DPF3: variants seen among roughly 807,000 people sequenced by gnomAD.
The protein encoded by DPF3 is zinc finger protein DPF3.
A neutral mutation model predicts 56.8 loss-of-function variants in DPF3; 18 were observed. That is an observed-to-expected ratio of 0.32 (90% CI 0.22 to 0.47). The LOEUF (loss-of-function observed/expected upper bound fraction) is 0.47, where lower values mean the gene tolerates loss of function less well. Among genes scored for constraint, DPF3 ranks in the 20% least tolerant of loss-of-function variants. The pLI is 1.00. For missense variants in DPF3, 403 were observed against 488.8 expected, an observed-to-expected ratio of 0.82 and a Z score of 1.65; for synonymous variants, 188 against 180.2, an observed-to-expected ratio of 1.04 and a Z score of -0.35.
At chr14:72,783,272 G>T (rs1892062824) in intron 1 of DPF3, among the ~76,000 whole-genome samples, 1 of 150,544 alleles carries the variant, frequency 6.6e-6, no homozygotes, top group African/African-American at 2.5e-5. Context: ...TTTGCCTACT[G>T]ATCATCTATA....
chr14:72,832,211 T>A (rs565715074), intron 1 of DPF3, among the ~76,000 whole-genome samples: 111 of 152,246 alleles, frequency 7.3e-4, no homozygotes, highest in Non-Finnish European at 6.8e-4. Context: ...AGTAAGACCA[T>A]GTTTCTTTAA....
chr14:72,679,538 C>T (rs561143679), intron 7 of DPF3, among the ~76,000 whole-genome samples: 2 of 152,250 alleles, frequency 1.3e-5, no homozygotes, highest in East Asian at 1.9e-4. Flanking sequence ...TTGGGGAATT[C>T]GGGGGCAGTG....
At chr14:72,661,681 A>G (rs1352398294) in intron 8 of DPF3, 2 of 985,174 alleles carry the variant, frequency 2.0e-6, no homozygotes, top group African/African-American at 3.5e-5. Flanking sequence ...GGCTCCCACC[A>G]GCAACTGAAT....
chr14:72,648,569 G>GAA (rs11348282), intron 8 of DPF3, among the ~76,000 whole-genome samples: 2 of 92,906 alleles, frequency 2.2e-5, no homozygotes. Context: ...TCTCAAAAAA[G>GAA]AAAAAAAAAA....
At chr14:72,695,245 T>C (rs1887854031) in intron 6 of DPF3, among the ~76,000 whole-genome samples, 2 of 152,188 alleles carry the variant, frequency 1.3e-5, no homozygotes, top group Admixed American at 6.5e-5. Flanking sequence ...GTATTATAAA[T>C]AGCATTTGCA....
At chr14:72,688,911 G>A (rs1887550055) in intron 7 of DPF3, among the ~76,000 whole-genome samples, 1 of 152,196 alleles carries the variant, frequency 6.6e-6, no homozygotes. Context: ...AGCATCCCTG[G>A]CTTCCTGTAG....
At chr14:72,665,539 C>T (rs1567193738) in intron 8 of DPF3, among the ~76,000 whole-genome samples, 1 of 152,198 alleles carries the variant, frequency 6.6e-6, no homozygotes, top group African/African-American at 2.4e-5. Context: ...AACCAAAATG[C>T]ACAACTTCAG....
At chr14:72,658,465 A>G (rs1886116728) in intron 8 of DPF3, among the ~76,000 whole-genome samples, 1 of 152,184 alleles carries the variant, frequency 6.6e-6, no homozygotes, top group Non-Finnish European at 1.5e-5. Flanking sequence ...GGTTTCTTAG[A>G]AAAGAAGGGT....
intron 1 of DPF3, among the ~76,000 whole-genome samples, chr14:72,788,623 C>T (rs1892309163): frequency 3.3e-5 from 5 of 152,148 alleles, no homozygotes; most frequent in Admixed American, 3.3e-4. Context: ...CTAGTCAATT[C>T]CATCCACACT....
At chr14:72,685,618 A>G (rs1011915715) in intron 7 of DPF3, among the ~76,000 whole-genome samples, 2 of 152,278 alleles carry the variant, frequency 1.3e-5, no homozygotes, top group Non-Finnish European at 2.9e-5. Context: ...CCATGGATAC[A>G]TGACTTGGTC....
intron 8 of DPF3, among the ~76,000 whole-genome samples, chr14:72,654,077 A>G (rs1289781642): frequency 1.3e-5 from 2 of 152,086 alleles, no homozygotes; most frequent in Non-Finnish European, 2.9e-5. Flanking sequence ...TACACATCAC[A>G]TGCATCCTGC....
In DPF3 at chr14:72,614,545, A is replaced by G. The variant is rs1037599630; in HGVS notation, c.*4752T>C. 2.6e-5 allele frequency among the ~76,000 whole-genome samples: 4 copies of G among 151,888 alleles called. No homozygotes were observed. Among genetic ancestry groups the G allele is most frequent in the Non-Finnish European group, 5.9e-5 (4 of 67,940 alleles). On this transcript the variant is annotated 3_prime_UTR_variant, in exon 11 of 11. Transcript: ENST00000556509. ...TGACCCCTCTGGTAGCAGTGCCTGG[A>G]AATGCTTCACTCCCCAAGGCTGCAG...
Position 72,615,616 on chromosome 14 carries a change from C to CCA in DPF3, c.*3679_*3680dup. Among the ~76,000 whole-genome samples, 1 of 152,312 alleles carries CCA rather than the reference C, an allele frequency of 6.6e-6. No individual in the cohort carries two copies. The highest frequency in any genetic ancestry group is 2.1e-4 in the South Asian group (1 of 4,822). ...GCCTCCTTCCCTCCCTTCCACCCAC[C>CCA]CACAGGCTCTTCCCTGGTTCCAGTC... On this transcript the variant is annotated 3_prime_UTR_variant, in exon 11 of 11. Coordinates refer to ENST00000556509, the MANE Select transcript of DPF3 (RefSeq NM_001280542.3).
At chr14:72,637,276 A>G (rs1762156179) in intron 8 of DPF3, among the ~76,000 whole-genome samples, 1 of 152,198 alleles carries the variant, frequency 6.6e-6, no homozygotes, top group Admixed American at 6.5e-5. Context: ...GGCATACATC[A>G]TGGTTGGTCT....
chr14:72,882,010 T>A (rs920221912), intron 1 of DPF3, among the ~76,000 whole-genome samples: 1 of 152,182 alleles, frequency 6.6e-6, no homozygotes, highest in Non-Finnish European at 1.5e-5. Context: ...GACTGTGACG[T>A]TGGAACCTCT....
At chr14:72,648,231 T>G (rs899305188) in intron 8 of DPF3, among the ~76,000 whole-genome samples, 5 of 152,064 alleles carry the variant, frequency 3.3e-5, no homozygotes, top group Non-Finnish European at 7.4e-5. Context: ...ATCCTCACAC[T>G]CTCCTTATTT....
At chr14:72,873,814 A>G (rs529978302) in intron 1 of DPF3, among the ~76,000 whole-genome samples, 57 of 152,068 alleles carry the variant, frequency 3.7e-4, no homozygotes, top group African/African-American at 1.2e-3. Flanking sequence ...TCAGCAAACT[A>G]TCACAAGGAC....
chr14:72,800,124 G>A (rs1044029029), intron 1 of DPF3, among the ~76,000 whole-genome samples: 2 of 152,096 alleles, frequency 1.3e-5, no homozygotes, highest in Non-Finnish European at 2.9e-5. Context: ...AAGAACCCAG[G>A]GGCCCCATCC....
intron 1 of DPF3, among the ~76,000 whole-genome samples, chr14:72,886,202 T>C (rs1263047998): frequency 6.6e-6 from 1 of 152,032 alleles, no homozygotes; most frequent in Non-Finnish European, 1.5e-5. Flanking sequence ...TGAAATGCTG[T>C]CTCTACTAAA....
Sources: gnomAD v4.1 joint callset for allele counts (sites outside exome capture counted in the v4.1 genomes callset) on GRCh38, gnomAD v4.1.1 for gene constraint, MANE v1.5 for transcripts, NCBI Gene and HGNC (gene_info 2026-07-23, HGNC 2026-07-21) for gene names.